LATS2: variants seen among roughly 807,000 people sequenced by gnomAD.
LATS2 encodes serine/threonine-protein kinase LATS2.
LATS2 carries 24 observed loss-of-function variants against 76.0 expected under a neutral mutation model. The ratio of observed to expected loss-of-function variants is 0.32; its 90% CI spans 0.23 to 0.44. The LOEUF is 0.44. Ranked by LOEUF, LATS2 falls within the 20% of genes least tolerant of loss-of-function variation. LATS2 has a pLI of 1.00. For synonymous variants in LATS2, 692 were observed against 635.4 expected (o/e 1.09, Z -1.34); for missense variants, 1,286 against 1,481.2 (o/e 0.87, Z 2.16).
chr13:20,989,197 T>C lies in LATS2; in HGVS notation c.583A>G (p.Ser195Gly), dbSNP rs371513911. The change falls in exon 4 of 8, where the codon AGC becomes GGC. Residue 195 changes from serine (S) to glycine (G), a missense_variant. By Grantham distance (56) the Ser-to-Gly change is moderately conservative. Around this residue, in one of 5 missense-constraint regions of LATS2, gnomAD observed 710 missense variants for 660.9 expected, o/e 1.07. Coordinates refer to ENST00000382592, the MANE Select transcript of LATS2 (RefSeq NM_014572.3). Reference protein sequence around the residue: ...QLSGTPYEGPSFGADGPTALE... With the variant: ...QLSGTPYEGPGFGADGPTALE... The stretch of plus-strand genomic sequence containing the variant: ...GCCGTGGGGCCGTCAGCGCCGAAGC[T>C]TGGGCCCTCGTAGGGGGTACCGCTC... The C allele has an allele frequency of 3.1e-5, 50 of 1,613,544 alleles. No homozygotes were observed. The South Asian group carries it at 4.2e-4, about 13-fold the overall frequency.
chr13:21,005,181 C>T (rs1351577292), intron 2 of LATS2: 1 of 152,222 alleles, frequency 6.6e-6, no homozygotes, highest in African/African-American at 2.4e-5. Context: ...AGAGAGAAAC[C>T]CACTTTAAAA....
intron 2 of LATS2, among the ~76,000 whole-genome samples, chr13:21,040,388 A>AAAAG (rs1200183850): frequency 6.6e-6 from 1 of 151,706 alleles, no homozygotes; most frequent in Admixed American, 6.6e-5. Context: ...AAAAAAAAAA[A>AAAAG]AAAGAAAGAA....
rs1335554137 is a variant in LATS2 at position 20,989,422 on chromosome 13, G to A, written c.476-118C>T. On this transcript the variant is annotated intron_variant, in intron 3 of 7. Transcript: ENST00000382592. ...CGGGGCTGAGGGTCTTGAACCCTGGGCCCTGACGTGCTGCATTCTGCCCAG... is the reference window on the plus strand; with the variant it reads ...CGGGGCTGAGGGTCTTGAACCCTGGACCCTGACGTGCTGCATTCTGCCCAG... 2.9e-6 allele frequency: 3 copies of A among 1,021,670 alleles called. No individual in the cohort carries two copies. In the East Asian group the frequency reaches 7.7e-5, roughly 26 times the overall value. The allele number at this position is 1,021,670 out of a possible 1,614,324, so 63.3% of individuals were successfully genotyped here.
Position 20,988,763 on chromosome 13 carries a change from G to A in LATS2, c.1017C>T (p.Ala339=), listed in dbSNP as rs777397200. 3.2e-6 allele frequency: 5 copies of A among 1,582,844 alleles called. No homozygotes were observed. The highest frequency in any genetic ancestry group is 3.5e-5 in the Admixed American group (2 of 57,738). The change falls in exon 4 of 8, where the codon GCC becomes GCT. Residue 339 remains alanine, a synonymous_variant. Transcript: ENST00000382592. ...HVLGSRSQVF[A]SDSPPQSLLT... ...GCAGGCTCTGCGGGGGGCTGTCGCT[G>A]GCGAACACCTGGCTGCGGGAGCCCA...
At chr13:21,023,272 T>A (rs983140655) in intron 2 of LATS2, 5 of 152,022 alleles carry the variant, frequency 3.3e-5, no homozygotes, top group African/African-American at 9.7e-5. Context: ...CCTTTTTTTT[T>A]TTCTTTTTAG....
intron 2 of LATS2, among the ~76,000 whole-genome samples, chr13:21,007,569 AT>A (rs1488974706): frequency 5.2e-5 from 1 of 19,256 alleles, no homozygotes; most frequent in South Asian, 1.8e-3. Context: ...ATATATATAT[AT>A]ATATATATAT....
intron 1 of LATS2, among the ~76,000 whole-genome samples, chr13:21,050,227 G>T (rs73445506): frequency 0.021 from 3,253 of 151,748 alleles, 101 homozygotes; most frequent in African/African-American, 0.072. Flanking sequence ...GGGGGTGGAG[G>T]GGGTAGGGGC....
intron 7 of LATS2, among the ~76,000 whole-genome samples, chr13:20,975,766 C>A (rs1229486470): frequency 6.6e-6 from 1 of 152,068 alleles, no homozygotes; most frequent in Non-Finnish European, 1.5e-5. Flanking sequence ...TCACTGCAAC[C>A]TCCGCCTCCT....
At chr13:21,051,854 G>A (rs951425250) in intron 1 of LATS2, among the ~76,000 whole-genome samples, 1 of 150,000 alleles carries the variant, frequency 6.7e-6, no homozygotes, top group Non-Finnish European at 1.5e-5. Context: ...CTACTCCGGA[G>A]GCTGAGGTGG....
At chr13:21,003,837 G>C (rs1018650063) in intron 2 of LATS2, among the ~76,000 whole-genome samples, 2 of 152,182 alleles carry the variant, frequency 1.3e-5, no homozygotes, top group Non-Finnish European at 2.9e-5. Context: ...GCCTCCCAAA[G>C]TGCTGGGAGT....
At chr13:20,983,071 G>A (rs1595211742) in intron 5 of LATS2, among the ~76,000 whole-genome samples, 153 bp downstream of exon 5, 1 of 151,208 alleles carries the variant, frequency 6.6e-6, no homozygotes, top group Non-Finnish European at 1.5e-5. Context: ...CCTTTTGGAA[G>A]GGAAGGATGT....
intron 2 of LATS2, among the ~76,000 whole-genome samples, chr13:21,011,815 G>A (rs1308757723): frequency 1.1e-4 from 16 of 152,194 alleles, no homozygotes; most frequent in Admixed American, 6.5e-5. Context: ...ATCATAGAGT[G>A]TACTTACACA....
In LATS2 at chr13:20,983,796, C is replaced by T. The variant is rs1457585146; in HGVS notation, c.1910G>A (p.Cys637Tyr). 1 of 1,610,856 alleles carries T rather than the reference C, an allele frequency of 6.2e-7. No individual in the cohort carries two copies. Among genetic ancestry groups the T allele is most frequent in the African/African-American group, 1.3e-5 (1 of 74,912 alleles). ...CCGCATCTGCTCCTGCTCAGCTTCA[C>T]AGAGTCCAGCCTGTGTAGAAGGAAA... The part of the protein sequence containing the change: ...LEQEMAKAGL[C>Y]EAEQEQMRKI... Residue 637 changes from cysteine (C) to tyrosine (Y), a missense_variant, in exon 5 of 8, where the codon TGT becomes TAT. By Grantham distance (194) the Cys-to-Tyr change is radical. Around this residue, in one of 5 missense-constraint regions of LATS2, gnomAD observed 247 missense variants for 385.4 expected, o/e 0.64. Transcript: ENST00000382592.
At chr13:21,017,864 G>A (rs1458947730) in intron 2 of LATS2, among the ~76,000 whole-genome samples, 5 of 152,142 alleles carry the variant, frequency 3.3e-5, no homozygotes, top group Admixed American at 6.5e-5. Context: ...GACCTCAGGT[G>A]ATCCGCCTGC....
At chr13:20,987,525 C>T (rs774275931) in intron 4 of LATS2, among the ~76,000 whole-genome samples, 1 of 152,184 alleles carries the variant, frequency 6.6e-6, no homozygotes, top group Non-Finnish European at 1.5e-5. Context: ...AACTTTGTTT[C>T]TACTCATTCA....
In LATS2 at chr13:21,007,602, AGTGTGTATATATATATATAGTG is replaced by A. The variant is rs1871348937; in HGVS notation, c.343-16220_343-16199del. 8.1e-4 allele frequency among the ~76,000 whole-genome samples: 2 copies of A among 2,476 alleles called. 1 individual carries two copies. The highest frequency in any genetic ancestry group is 1.2e-3 in the Non-Finnish European group (2 of 1,676). 1.6% of individuals were successfully genotyped at this position (2,476 alleles called of 152,430 possible). A position where few individuals can be genotyped will look rare whatever the true frequency, so the allele number is the denominator to read the frequency against. Reference sequence around the variant, plus strand: ...ATATATATATAGTATATATATATATAGTGTGTATATATATATATAGTGTATATATATATATATATATAGTGTG... The same window carrying A: ...ATATATATATAGTATATATATATATATATATATATATATATATATAGTGTG... On this transcript the variant is annotated intron_variant, in intron 2 of 7. Coordinates refer to ENST00000382592, the MANE Select transcript of LATS2 (RefSeq NM_014572.3).
chr13:20,974,880 A>G lies in LATS2; in HGVS notation c.3257T>C (p.Val1086Ala). The G allele has an allele frequency of 1.9e-6, 3 of 1,611,036 alleles. No homozygotes were observed. The highest frequency in any genetic ancestry group is 1.1e-5 in the South Asian group (1 of 90,694). The change falls in exon 8 of 8, where the codon GTG becomes GCG. Residue 1086 changes from valine to alanine, a missense_variant. Around this residue, in one of 5 missense-constraint regions of LATS2, gnomAD observed 210 missense variants for 234.9 expected, o/e 0.89. Transcript: ENST00000382592. ...GTGCCTGGCCCCCATCTACACGTAC[A>G]CAGGCTGGCAGCCTTCAGTCTGATC... ...LVDQTEGCQP[V>A]YV is the part of the protein sequence containing the mutation.
At position 20,975,170 on chromosome 13, in the gene LATS2, G is replaced by A. The variant is rs775425216; in HGVS notation, c.2967C>T (p.Tyr989=). The part of the protein sequence containing the change: ...SSDIRKQPAP[Y]VPTISHPMDT... ...CCATGGGGTGGCTGATGGTGGGAAC[G>A]TAGGGGGCTGGCTGCTTCCGGATGT... The change falls in exon 8 of 8, where the codon TAC becomes TAT. Residue 989 remains tyrosine (Y), a synonymous_variant. Coordinates refer to ENST00000382592, the MANE Select transcript of LATS2 (RefSeq NM_014572.3). The A allele has an allele frequency of 2.0e-5, 32 of 1,614,084 alleles. No homozygotes were observed. The highest frequency in any genetic ancestry group is 2.7e-5 in the African/African-American group (2 of 74,940).
intron 2 of LATS2, chr13:21,018,260 C>T (rs551483365): frequency 5.9e-5 from 9 of 152,174 alleles, no homozygotes; most frequent in Non-Finnish European, 2.9e-5. Context: ...TAAGTGAAGG[C>T]AAGTTTCCTT....
Sources: gnomAD v4.1 joint callset for allele counts (sites outside exome capture counted in the v4.1 genomes callset) on GRCh38, gnomAD v4.1.1 for gene constraint, gnomAD v4.1.1 regional missense constraint, MANE v1.5 for transcripts, NCBI Gene and HGNC (gene_info 2026-07-23, HGNC 2026-07-21) for gene names.